EMG1: variants seen among roughly 807,000 people sequenced by gnomAD.
EMG1 encodes the protein EMG1 N1-specific pseudouridine methyltransferase.
Under a neutral mutation model 26.9 loss-of-function variants are expected in EMG1, and 24 were observed. That is an observed-to-expected ratio of 0.89 (90% CI 0.65 to 1.26). The LOEUF (loss-of-function observed/expected upper bound fraction) is 1.26. EMG1 is among the 50% of genes most tolerant of loss of function. The pLI is 0.00. For synonymous variants in EMG1, 140 were observed against 112.6 expected, an observed-to-expected ratio of 1.24 and a Z score of -1.54; for missense variants, 299 against 307.6, an observed-to-expected ratio of 0.97 and a Z score of 0.21.
chr12:6,974,334 T>G lies in EMG1; in HGVS notation c.169-5T>G, dbSNP rs201857241. 61 of 1,603,210 alleles carry G rather than the reference T, an allele frequency of 3.8e-5. No homozygotes were observed. The highest frequency in any genetic ancestry group is 5.1e-5 in the Non-Finnish European group (60 of 1,171,444). ...TGTTCTCTCGTCATGTTCCCTGTTC[T>G]TCAGGTAGGGAAGACATATGAGCTA... is the stretch of plus-strand genomic sequence containing the variant. On this transcript the variant is annotated splice_region_variant and splice_polypyrimidine_tract_variant and intron_variant, in intron 1 of 5. Coordinates refer to ENST00000599672, the MANE Select transcript of EMG1 (RefSeq NM_006331.8).
chr12:6,984,411 CT>C (rs1270026889), downstream of EMG1, among the ~76,000 whole-genome samples: 2 of 152,190 alleles, frequency 1.3e-5, no homozygotes, highest in African/African-American at 4.8e-5. Context: ...GCAGACTCAC[CT>C]TCAGTGTTCT....
chr12:6,973,715 T>C (rs782388473), intron 1 of EMG1, among the ~76,000 whole-genome samples: 22 of 152,204 alleles, frequency 1.4e-4, no homozygotes, highest in African/African-American at 5.1e-4. Context: ...GCTAATTTTT[T>C]ATATTTTTAG....
downstream of EMG1, chr12:6,983,074 G>A (rs750846889): frequency 6.3e-5 from 34 of 542,510 alleles, no homozygotes; most frequent in Middle Eastern, 8.3e-4. Flanking sequence ...CTTGAATTCC[G>A]GGCTACCACA....
chr12:6,993,280 A>G (rs1195026660), intron 7 of EMG1, among the ~76,000 whole-genome samples: 3 of 151,918 alleles, frequency 2.0e-5, no homozygotes, highest in Admixed American at 1.3e-4. Context: ...TCTACTAACA[A>G]AAAATTAGCT....
At position 6,975,903 on chromosome 12, in the gene EMG1, T is replaced by G; in HGVS notation, c.*94T>G. On this transcript the variant is annotated 3_prime_UTR_variant, in exon 6 of 6. Coordinates refer to ENST00000599672, the MANE Select transcript of EMG1 (RefSeq NM_006331.8). ...CTGCTGGAAGATGATCTTTCTGCAC[T>G]GAGACTGTGGAGTTTGGGGAAGCCA... is the stretch of plus-strand genomic sequence containing the variant. 1 of 779,796 alleles carries G rather than the reference T, an allele frequency of 1.3e-6. No homozygotes were observed. Among genetic ancestry groups the G allele is most frequent in the Admixed American group, 2.0e-5 (1 of 51,250 alleles). 48.3% of individuals were successfully genotyped at this position (779,796 alleles called of 1,614,324 possible). A position where few individuals can be genotyped will look rare whatever the true frequency, so the allele number is the denominator to read the frequency against.
chr12:6,991,862 C>T (rs1299173946), downstream of EMG1, among the ~76,000 whole-genome samples: 2 of 152,084 alleles, frequency 1.3e-5, no homozygotes, highest in Admixed American at 6.5e-5. Context: ...GCAGCAGAGG[C>T]GGTTTATGCA....
At chr12:6,975,674 G>A in intron 5 of EMG1, 22 bp from the exon 6 acceptor site, 1 of 1,519,804 alleles carries the variant, frequency 6.6e-7, no homozygotes, top group Non-Finnish European at 9.1e-7. Flanking sequence ...AGAGTTGGCT[G>A]ACAAAACTGT....
In EMG1 at chr12:6,974,376, A is replaced by G. The variant is rs782483867; in HGVS notation, c.206A>G (p.His69Arg). The G allele has an allele frequency of 1.9e-6, 3 of 1,613,792 alleles. No homozygotes were observed. Among genetic ancestry groups the G allele is most frequent in the African/African-American group, 1.3e-5 (1 of 75,026 alleles). The change falls in exon 2 of 6, where the codon CAC becomes CGC. Residue 69 changes from histidine to arginine, a missense_variant. Physicochemically the swap from His to Arg is conservative, Grantham distance 29. Coordinates refer to ENST00000599672, the MANE Select transcript of EMG1 (RefSeq NM_006331.8). Reference sequence around the variant, plus strand: ...TATGAGCTACTCAACTGTGACAAGCACAAGTCTATATTGTTGAAGAATGGA... The same window carrying G: ...TATGAGCTACTCAACTGTGACAAGCGCAAGTCTATATTGTTGAAGAATGGA... ...KTYELLNCDK[H>R]KSILLKNGRD...
Position 6,977,428 on chromosome 12 carries a change from C to T in EMG1, c.*1619C>T. 6.2e-7 allele frequency: 1 copy of T among 1,614,162 alleles called. No individual in the cohort carries two copies. The highest frequency in any genetic ancestry group is 1.3e-5 in the African/African-American group (1 of 75,034). ...AGTCATGGAGTAACCCATGAAGAGC[C>T]AGTGGATGGTCTGTTGCACCAAATA... is the stretch of plus-strand genomic sequence containing the variant. On this transcript the variant is annotated 3_prime_UTR_variant, in exon 6 of 6. Coordinates refer to ENST00000599672, the MANE Select transcript of EMG1 (RefSeq NM_006331.8). The surrounding 1 kb of genome is among the most constrained non-coding windows in gnomAD (Gnocchi z 4.5).
intron 7 of EMG1, among the ~76,000 whole-genome samples, chr12:6,995,911 T>G (rs1555155969): frequency 6.6e-6 from 1 of 152,202 alleles, no homozygotes; most frequent in Non-Finnish European, 1.5e-5. Context: ...TTATATTCAA[T>G]GTATTATCAT....
At position 6,978,755 on chromosome 12, in the gene EMG1, TC is replaced by T; in HGVS notation, c.*2948del. The T allele has an allele frequency of 1.3e-6, 2 of 1,589,594 alleles. No individual in the cohort carries two copies. Among genetic ancestry groups the T allele is most frequent in the Non-Finnish European group, 8.6e-7 (1 of 1,166,316 alleles). On this transcript the variant is annotated 3_prime_UTR_variant, in exon 6 of 6. Transcript: ENST00000599672. ...ACTAGGCAGTTTCTCTCAGCACTCT[TC>T]CTTTTCACACTTGTGGCTGGCTACT...
intron 1 of EMG1, among the ~76,000 whole-genome samples, chr12:6,972,765 A>G (rs889548863): frequency 6.6e-6 from 1 of 152,114 alleles, no homozygotes; most frequent in East Asian, 1.9e-4. Flanking sequence ...AAGCAGCTTC[A>G]TATATAATCA....
downstream of EMG1, among the ~76,000 whole-genome samples, chr12:6,989,414 A>G (rs1197179884): frequency 6.8e-6 from 1 of 146,270 alleles, no homozygotes; most frequent in East Asian, 2.1e-4. Flanking sequence ...GGTTCACGCC[A>G]TTCTCCTGCC....
At chr12:6,981,979 T>G, downstream of EMG1, 1 of 812,392 alleles carries the variant, frequency 1.2e-6, no homozygotes, top group Non-Finnish European at 2.1e-6. Context: ...ATGTTCTCTT[T>G]CCTTTTTCCT....
chr12:6,982,970 TATTTC>T, downstream of EMG1: 1 of 669,278 alleles, frequency 1.5e-6, no homozygotes, highest in Non-Finnish European at 2.7e-6. Flanking sequence ...GGTGTTATTT[TATTTC>T]TTTTCTTTTT....
Position 6,977,104 on chromosome 12 carries a change from G to T in EMG1, c.*1295G>T. 1 of 1,292,184 alleles carries T rather than the reference G, an allele frequency of 7.7e-7. No homozygotes were observed. 80.0% of individuals were successfully genotyped at this position (1,292,184 alleles called of 1,614,324 possible). ...CTGTTGCTCTATTCTGTAACCTGGT[G>T]GTAGTTTTAGTTTAGCTGTATTAAC... On this transcript the variant is annotated 3_prime_UTR_variant, in exon 6 of 6. Coordinates refer to ENST00000599672, the MANE Select transcript of EMG1 (RefSeq NM_006331.8). The surrounding 1 kb of genome is among the most constrained non-coding windows in gnomAD (Gnocchi z 4.5).
downstream of EMG1, among the ~76,000 whole-genome samples, chr12:6,989,410 C>T (rs1673909998): frequency 6.6e-6 from 1 of 150,972 alleles, no homozygotes; most frequent in Non-Finnish European, 1.5e-5. Flanking sequence ...CCCGGGTTCA[C>T]GCCATTCTCC....
At chr12:6,990,695 G>T (rs1189160174), downstream of EMG1, among the ~76,000 whole-genome samples, 6 of 151,472 alleles carry the variant, frequency 4.0e-5, no homozygotes, top group Admixed American at 3.3e-4. Flanking sequence ...GGCCGAGGTG[G>T]GTGGATCACT....
intron 7 of EMG1, among the ~76,000 whole-genome samples, chr12:6,994,897 C>T (rs782252877): frequency 9.9e-5 from 15 of 152,260 alleles, no homozygotes; most frequent in Admixed American, 5.2e-4. Context: ...CAGTCTTGGC[C>T]CTCCACTATT....
Sources: gnomAD v4.1 joint callset for allele counts (sites outside exome capture counted in the v4.1 genomes callset) on GRCh38, gnomAD v4.1.1 for gene constraint, Gnocchi (gnomAD v3.1) non-coding constraint, MANE v1.5 for transcripts, NCBI Gene and HGNC (gene_info 2026-07-23, HGNC 2026-07-21) for gene names.